The following RANBP17 variants were observed in gnomAD, a reference collection of about 807,000 sequenced individuals.
The protein encoded by RANBP17 is RAN binding protein 17.
RANBP17 carries 158 observed loss-of-function variants against 141.2 expected under a neutral mutation model. The observed-to-expected ratio is 1.12, with a 90% CI of 0.98 to 1.28. RANBP17 has a LOEUF of 1.28. Among genes scored for constraint, RANBP17 ranks in the 50% most tolerant of loss-of-function variants. RANBP17 has a pLI of 0.00. For missense variants in RANBP17, 1,438 were observed against 1,290.7 expected (o/e 1.11, Z -1.75); for synonymous variants, 430 against 450.0 (o/e 0.96, Z 0.56).
At chr5:170,952,609 G>A (rs1224842955) in intron 12 of RANBP17, among the ~76,000 whole-genome samples, 1 of 151,818 alleles carries the variant, frequency 6.6e-6, no homozygotes, top group Non-Finnish European at 1.5e-5. Context: ...CTTCTAACAA[G>A]CAGATAGCCT....
chr5:171,017,162 G>A (rs755419812), intron 14 of RANBP17, among the ~76,000 whole-genome samples: 6 of 151,994 alleles, frequency 3.9e-5, no homozygotes, highest in Non-Finnish European at 7.4e-5. Context: ...TCATTGATGG[G>A]CATTTAAGTT....
intron 14 of RANBP17, among the ~76,000 whole-genome samples, chr5:171,055,946 C>T (rs963924222): frequency 5.4e-5 from 8 of 147,640 alleles, no homozygotes; most frequent in East Asian, 2.0e-4. Flanking sequence ...ACTATGTTGC[C>T]GTAAATTAAG....
chr5:170,890,250 T>A (rs986402181), intron 3 of RANBP17, among the ~76,000 whole-genome samples: 1 of 152,186 alleles, frequency 6.6e-6, no homozygotes. Flanking sequence ...TACACTGGAT[T>A]TTCTTTTATA....
chr5:171,137,540 T>G (rs1757365907), intron 14 of RANBP17, among the ~76,000 whole-genome samples: 1 of 150,302 alleles, frequency 6.7e-6, no homozygotes, highest in Non-Finnish European at 1.5e-5. Flanking sequence ...ACTTCTTAAT[T>G]TAGCACTAGG....
At chr5:171,237,673 T>C (rs1764624196) in intron 22 of RANBP17, among the ~76,000 whole-genome samples, 1 of 152,216 alleles carries the variant, frequency 6.6e-6, no homozygotes, top group African/African-American at 2.4e-5. Flanking sequence ...TGTGTGCTGC[T>C]ACAGTAGTAC....
At chr5:171,285,688 G>A (rs1296459050) in intron 25 of RANBP17, among the ~76,000 whole-genome samples, 1 of 152,116 alleles carries the variant, frequency 6.6e-6, no homozygotes, top group Non-Finnish European at 1.5e-5. Flanking sequence ...TTTACTACTC[G>A]TAAAAAGTTT....
At position 171,287,849 on chromosome 5, in the gene RANBP17, A is replaced by G. The variant is rs149887436; in HGVS notation, c.2944-6034A>G. Among the ~76,000 whole-genome samples, 884 of 152,096 alleles carry G rather than the reference A, an allele frequency of 5.8e-3. 9 individuals carry two copies. Among genetic ancestry groups the G allele is most frequent in the African/African-American group, 0.016 (662 of 41,502 alleles). ...TCAGCCAGGCTGGACCAGGGTTCAT[A>G]TCATCACTTTAGCTTCAGTTTTGTC... On this transcript the variant is annotated intron_variant, in intron 25 of 27. Coordinates refer to ENST00000523189, the MANE Select transcript of RANBP17 (RefSeq NM_022897.5).
chr5:170,873,424 A>G (rs1299724642), intron 1 of RANBP17, among the ~76,000 whole-genome samples: 2 of 152,212 alleles, frequency 1.3e-5, no homozygotes, highest in African/African-American at 2.4e-5. Context: ...AAAGAATGGT[A>G]TCAGCTCCTC....
chr5:171,195,559 A>G (rs972806498), intron 18 of RANBP17, among the ~76,000 whole-genome samples: 1 of 152,220 alleles, frequency 6.6e-6, no homozygotes, highest in Admixed American at 6.5e-5. Flanking sequence ...GTGATTGTCT[A>G]GGAATTCCAT....
intron 24 of RANBP17, among the ~76,000 whole-genome samples, chr5:171,251,369 C>A (rs779118742): frequency 6.6e-6 from 1 of 152,020 alleles, no homozygotes; most frequent in Non-Finnish European, 1.5e-5. Context: ...CATGAGCCAC[C>A]GCACCTGGCC....
chr5:170,948,152 C>T (rs1009832900), intron 12 of RANBP17, among the ~76,000 whole-genome samples: 1 of 152,086 alleles, frequency 6.6e-6, no homozygotes, highest in Non-Finnish European at 1.5e-5. Flanking sequence ...TGTGTGAGTA[C>T]TGGCAAAGAG....
chr5:171,205,429 C>A, intron 19 of RANBP17, 95 bp from the exon 20 acceptor site: 1 of 993,662 alleles, frequency 1.0e-6, no homozygotes, highest in South Asian at 1.5e-5. Context: ...GCTAATGAAT[C>A]AAAATCAGAT....
intron 12 of RANBP17, among the ~76,000 whole-genome samples, chr5:170,939,803 G>A (rs1201266869): frequency 2.6e-5 from 4 of 151,890 alleles, no homozygotes; most frequent in Admixed American, 2.6e-4. Context: ...GAGAGAGTCG[G>A]GGGAGTGATG....
At chr5:171,114,303 T>C (rs1455752432) in intron 14 of RANBP17, among the ~76,000 whole-genome samples, 1 of 152,114 alleles carries the variant, frequency 6.6e-6, no homozygotes, top group African/African-American at 2.4e-5. Flanking sequence ...TTTCAGACAG[T>C]CCAGCCATTC....
At chr5:170,966,783 A>G (rs1167823366) in intron 13 of RANBP17, among the ~76,000 whole-genome samples, 1 of 152,090 alleles carries the variant, frequency 6.6e-6, no homozygotes, top group Non-Finnish European at 1.5e-5. Flanking sequence ...ATGATTGTAT[A>G]TCTAGAAAAC....
At chr5:171,295,859 G>A (rs764627108) in intron 26 of RANBP17, 28 bp from the exon 27 acceptor site, 8 of 1,608,988 alleles carry the variant, frequency 5.0e-6, no homozygotes, top group Non-Finnish European at 6.8e-6. Context: ...TGGAGTCGGA[G>A]CTCTGACACT....
intron 13 of RANBP17, among the ~76,000 whole-genome samples, chr5:170,966,223 G>T (rs906399573): frequency 1.1e-4 from 17 of 151,678 alleles, no homozygotes; most frequent in East Asian, 1.9e-4. Context: ...TACCAAAGCC[G>T]GGCAGAGACA....
chr5:171,287,535 A>G (rs994764641), intron 25 of RANBP17, among the ~76,000 whole-genome samples: 3 of 150,178 alleles, frequency 2.0e-5, no homozygotes, highest in African/African-American at 7.3e-5. Context: ...ATCCTATTCT[A>G]TGGTGCATAC....
rs1056691592 is a variant in RANBP17 at position 171,265,743 on chromosome 5, C to T, written c.2839C>T (p.His947Tyr). The change falls in exon 25 of 28, where the codon CAC becomes TAC. Residue 947 changes from histidine to tyrosine, a missense_variant. His to Tyr is a moderately conservative substitution (Grantham distance 83, BLOSUM62 2). Transcript: ENST00000523189. Reference protein sequence around the residue: ...LDYIVTYLFKHIAKEGKKPLR... With the variant: ...LDYIVTYLFKYIAKEGKKPLR... ...CTACATCGTCACCTACCTCTTCAAG[C>T]ACATAGCAAAAGAGGGCAAGAAGCC... 6.2e-7 allele frequency: 1 copy of T among 1,614,030 alleles called. No individual in the cohort carries two copies. Among genetic ancestry groups the T allele is most frequent in the African/African-American group, 1.3e-5 (1 of 75,052 alleles).
Sources: allele counts gnomAD v4.1 joint callset (sites outside exome capture counted in the v4.1 genomes callset), GRCh38; gene constraint gnomAD v4.1.1; transcripts MANE v1.5; gene names NCBI Gene and HGNC (gene_info 2026-07-23, HGNC 2026-07-21).